The following INVS variants were observed in gnomAD, a reference collection of about 807,000 sequenced individuals.
INVS encodes inversin.
INVS carries 86 observed loss-of-function variants against 108.8 expected under a neutral mutation model. The ratio of observed to expected loss-of-function variants is 0.79; its 90% CI spans 0.66 to 0.95. INVS has a LOEUF of 0.95. Ranked by LOEUF, INVS falls within the 40% of genes least tolerant of loss-of-function variation. The pLI, the probability that INVS is intolerant of heterozygous loss-of-function variation, is 0.00. For synonymous variants in INVS, 455 were observed against 473.5 expected, an observed-to-expected ratio of 0.96 and a Z score of 0.51; for missense variants, 1,169 against 1,297.4, an observed-to-expected ratio of 0.90 and a Z score of 1.52.
At position 100,297,095 on chromosome 9, in the gene INVS, G is replaced by T. The variant is rs776898860; in HGVS notation, c.2965G>T (p.Gly989Cys). The T allele has an allele frequency of 6.2e-7, 1 of 1,613,904 alleles. No individual in the cohort carries two copies. Among genetic ancestry groups the T allele is most frequent in the Non-Finnish European group, 8.5e-7 (1 of 1,179,984 alleles). ...CAAGGCCCCCAAGAGTCCATCCAAGGGCACCTCAGGCACAAAGTCCACCAA... is the reference window on the plus strand; with the variant it reads ...CAAGGCCCCCAAGAGTCCATCCAAGTGCACCTCAGGCACAAAGTCCACCAA... ...VSKAPKSPSK[G>C]TSGTKSTKHS... Residue 989 changes from glycine to cysteine, a missense_variant, in exon 15 of 17, where the codon GGC becomes TGC. This residue lies in a region of INVS where 533 missense variants were observed against 536.0 expected (regional missense o/e 0.99). Coordinates refer to ENST00000262457, the MANE Select transcript of INVS (RefSeq NM_014425.5).
intron 3 of INVS, among the ~76,000 whole-genome samples, chr9:100,195,006 G>A (rs1040361415): frequency 1.3e-5 from 2 of 152,114 alleles, no homozygotes; most frequent in Non-Finnish European, 2.9e-5. Flanking sequence ...CATCATAGGA[G>A]CAAAAAGAGC....
chr9:100,284,263 C>T (rs1370304125), intron 12 of INVS, 57 bp from the exon 13 acceptor site: 1 of 1,599,478 alleles, frequency 6.3e-7, no homozygotes, highest in Non-Finnish European at 8.6e-7. Context: ...CACACAGAGA[C>T]TTGAGGAGGT....
intron 3 of INVS, among the ~76,000 whole-genome samples, chr9:100,207,950 T>C (rs1830723351): frequency 6.6e-6 from 1 of 151,794 alleles, no homozygotes; most frequent in African/African-American, 2.4e-5. Flanking sequence ...TGTAGTGTGC[T>C]TGCACTTGAA....
intron 3 of INVS, among the ~76,000 whole-genome samples, chr9:100,195,016 C>T (rs1830330430): frequency 6.6e-6 from 1 of 152,164 alleles, no homozygotes; most frequent in Non-Finnish European, 1.5e-5. Flanking sequence ...GCAAAAAGAG[C>T]ACATTGGAAC....
At chr9:100,222,852 G>A (rs541521164) in intron 3 of INVS, among the ~76,000 whole-genome samples, 1 of 149,742 alleles carries the variant, frequency 6.7e-6, no homozygotes, top group Non-Finnish European at 1.5e-5. Flanking sequence ...AAGAAAAGAT[G>A]GCAAGAAATT....
At chr9:100,156,406 A>G (rs1001052772) in intron 3 of INVS, among the ~76,000 whole-genome samples, 3 of 151,712 alleles carry the variant, frequency 2.0e-5, no homozygotes, top group Admixed American at 1.3e-4. Flanking sequence ...GTTTAAAAGC[A>G]TGAGTCACTG....
At position 100,124,177 on chromosome 9, in the gene INVS, AGTGTGTGTGT is replaced by A. The variant is rs3052021; in HGVS notation, c.107-2177_107-2168del. Among the ~76,000 whole-genome samples the A allele has an allele frequency of 8.3e-3, 1,194 of 144,228 alleles. 9 individuals carry two copies. Among genetic ancestry groups the A allele is most frequent in the African/African-American group, 0.029 (1,134 of 38,714 alleles). The allele number at this position is 144,228 out of a possible 152,430, so 94.6% of individuals were successfully genotyped here. A position where few individuals can be genotyped will look rare whatever the true frequency, so the allele number is the denominator to read the frequency against. Reference sequence around the variant, plus strand: ...ATTGGAGGTTTTTTATTTGTTTCTGAGTGTGTGTGTGTGTGTGTGTGTGTGTGTGTGTGTG... The same window carrying A: ...ATTGGAGGTTTTTTATTTGTTTCTGAGTGTGTGTGTGTGTGTGTGTGTGTG... On this transcript the variant is annotated intron_variant, in intron 2 of 16. Coordinates refer to ENST00000262457, the MANE Select transcript of INVS (RefSeq NM_014425.5).
rs374733495 is a variant in INVS at position 100,301,012 on chromosome 9, T to A, written c.*338T>A. ...TCTAAGGAAAACTACGGCTGCTGGG[T>A]TGGGATTTCTGCCAGCTAGCTGGTA... On this transcript the variant is annotated 3_prime_UTR_variant, in exon 17 of 17. Transcript: ENST00000262457. The A allele has an allele frequency of 3.2e-5, 10 of 314,140 alleles. No homozygotes were observed. The allele number at this position is 314,140 out of a possible 1,614,324, so 19.5% of individuals were successfully genotyped here. A position where few individuals can be genotyped will look rare whatever the true frequency, so the allele number is the denominator to read the frequency against.
intron 11 of INVS, among the ~76,000 whole-genome samples, chr9:100,270,590 C>CA (rs924292359): frequency 5.3e-5 from 8 of 151,218 alleles, no homozygotes; most frequent in African/African-American, 1.5e-4. Context: ...ACTAAAAATA[C>CA]AAAAAAAATT....
chr9:100,246,787 G>T lies in INVS; in HGVS notation c.1078G>T (p.Ala360Ser). 1.2e-6 allele frequency: 2 copies of T among 1,613,176 alleles called. No individual in the cohort carries two copies. The highest frequency in any genetic ancestry group is 1.7e-6 in the Non-Finnish European group (2 of 1,179,212). ...CATGGCTGACAAATATGGAGGTACA[G>T]GTGAGAACTGGTGGACACATTCAAT... is the stretch of plus-strand genomic sequence containing the variant. ...INMADKYGGT[A>S]LHAAALSGHV... The change falls in exon 8 of 17, where the codon GCT (alanine) becomes TCT (serine). Residue 360 changes from alanine (A) to serine (S), a missense_variant and splice_region_variant. Coordinates refer to ENST00000262457, the MANE Select transcript of INVS (RefSeq NM_014425.5).
At chr9:100,197,624 T>C (rs1456663917) in intron 3 of INVS, among the ~76,000 whole-genome samples, 1 of 152,120 alleles carries the variant, frequency 6.6e-6, no homozygotes, top group Non-Finnish European at 1.5e-5. Flanking sequence ...CTTCATTGGA[T>C]AGGCATGATT....
At chr9:100,243,984 C>T (rs1301595707) in intron 7 of INVS, among the ~76,000 whole-genome samples, 1 of 152,080 alleles carries the variant, frequency 6.6e-6, no homozygotes, top group Non-Finnish European at 1.5e-5. Flanking sequence ...ATACTCCAGC[C>T]TGGGCGACAG....
In INVS at chr9:100,196,332, G is replaced by C. The variant is rs555201838; in HGVS notation, c.274-29730G>C. Among the ~76,000 whole-genome samples, 5 of 152,300 alleles carry C rather than the reference G, an allele frequency of 3.3e-5. No individual in the cohort carries two copies. The East Asian group carries it at 5.8e-4, about 18-fold the overall frequency. On this transcript the variant is annotated intron_variant, in intron 3 of 16. Coordinates refer to ENST00000262457, the MANE Select transcript of INVS (RefSeq NM_014425.5). The stretch of plus-strand genomic sequence containing the variant: ...ATTCTCCTTTGTCTGAGGCCTGTGT[G>C]ATAGCTGTTGGCATTTTTCGTCTGG...
chr9:100,255,143 A>C (rs1799705069), intron 10 of INVS, among the ~76,000 whole-genome samples: 1 of 152,124 alleles, frequency 6.6e-6, no homozygotes, highest in Admixed American at 6.5e-5. Context: ...ATCCCTTGTA[A>C]GCTGGATTCC....
intron 16 of INVS, chr9:100,298,387 A>G: frequency 1.1e-6 from 1 of 923,232 alleles, no homozygotes; most frequent in Non-Finnish European, 1.3e-6. Context: ...GATGGGAAGA[A>G]CACCATGAAG....
chr9:100,239,431 C>T (rs1831793855), intron 5 of INVS, among the ~76,000 whole-genome samples: 1 of 152,048 alleles, frequency 6.6e-6, no homozygotes, highest in Admixed American at 6.5e-5. Flanking sequence ...TGGATACATA[C>T]ATATATACAA....
chr9:100,197,605 T>G (rs1386293723), intron 3 of INVS, among the ~76,000 whole-genome samples: 1 of 152,148 alleles, frequency 6.6e-6, no homozygotes, highest in East Asian at 1.9e-4. Context: ...TTTGGGCCTT[T>G]TATGGAGACT....
chr9:100,225,708 GAAAA>G (rs912062789), intron 3 of INVS, among the ~76,000 whole-genome samples: 1 of 150,578 alleles, frequency 6.6e-6, no homozygotes, highest in Non-Finnish European at 1.5e-5. Context: ...AAAAAATTAA[GAAAA>G]AAAATGTGAA....
chr9:100,208,826 A>G (rs546798639), intron 3 of INVS, among the ~76,000 whole-genome samples: 1 of 152,338 alleles, frequency 6.6e-6, no homozygotes, highest in African/African-American at 2.4e-5. Context: ...AACAATGAGA[A>G]CATTAGGAGC....
Sources: allele counts gnomAD v4.1 joint callset (sites outside exome capture counted in the v4.1 genomes callset), GRCh38; gene constraint gnomAD v4.1.1; regional missense constraint gnomAD v4.1.1; transcripts MANE v1.5; gene names NCBI Gene and HGNC (gene_info 2026-07-23, HGNC 2026-07-21).